The following NR3C1 variants were observed in gnomAD, a reference collection of about 807,000 sequenced individuals.
The protein encoded by NR3C1 is nuclear receptor subfamily 3 group C member 1.
In NR3C1, 14 loss-of-function variants were observed where a neutral mutation model predicts 74.0. The observed-to-expected ratio is 0.19, with a 90% CI of 0.12 to 0.30. The LOEUF (loss-of-function observed/expected upper bound fraction) is 0.30. Among genes scored for constraint, NR3C1 ranks in the 10% least tolerant of loss-of-function variants. The pLI, the probability that NR3C1 is intolerant of heterozygous loss-of-function variation, is 1.00. For missense variants in NR3C1, 695 were observed against 909.8 expected (o/e 0.76, Z 3.04); for synonymous variants, 308 against 332.5 (o/e 0.93, Z 0.80).
At chr5:143,284,235 C>T (rs1813779916) in intron 7 of NR3C1, among the ~76,000 whole-genome samples, 1 of 152,112 alleles carries the variant, frequency 6.6e-6, no homozygotes, top group Non-Finnish European at 1.5e-5. Context: ...CAGTAAGTCA[C>T]CATGCCCAGC....
intron 2 of NR3C1, among the ~76,000 whole-genome samples, chr5:143,388,505 A>C (rs1179049035): frequency 6.6e-6 from 1 of 152,224 alleles, no homozygotes; most frequent in African/African-American, 2.4e-5. Context: ...GGAGTAAGCA[A>C]GGCAGACAGT....
upstream of NR3C1, chr5:143,404,212 CGCCGG>C: frequency 2.0e-6 from 2 of 985,398 alleles, no homozygotes; most frequent in Non-Finnish European, 2.4e-6. Context: ...GCGCCGCCGC[CGCCGG>C]GCCGAGTTGC....
At chr5:143,386,842 T>C (rs539770168) in intron 2 of NR3C1, among the ~76,000 whole-genome samples, 1 of 152,346 alleles carries the variant, frequency 6.6e-6, no homozygotes, top group East Asian at 1.9e-4. Context: ...AGACTGTGTA[T>C]AACCCAAATC....
chr5:143,358,071 T>C (rs1218295326), intron 2 of NR3C1, among the ~76,000 whole-genome samples: 1 of 152,260 alleles, frequency 6.6e-6, no homozygotes, highest in African/African-American at 2.4e-5. Context: ...TAAGTTATTG[T>C]GTACTACTGA....
intron 1 of NR3C1, among the ~76,000 whole-genome samples, chr5:143,429,520 G>T (rs149518344): frequency 1.3e-5 from 2 of 152,060 alleles, no homozygotes; most frequent in Non-Finnish European, 2.9e-5. Context: ...GGATTCTCCC[G>T]CTCACAAACA....
intron 1 of NR3C1, among the ~76,000 whole-genome samples, chr5:143,432,975 C>T (rs1389421030): frequency 1.3e-5 from 2 of 152,152 alleles, no homozygotes; most frequent in African/African-American, 2.4e-5. Context: ...TGATATATAA[C>T]GTCACCTAAA....
At chr5:143,390,649 G>C (rs562097398) in intron 2 of NR3C1, among the ~76,000 whole-genome samples, 10 of 152,080 alleles carry the variant, frequency 6.6e-5, no homozygotes, top group Non-Finnish European at 1.5e-4. Context: ...ACACAAATCA[G>C]AACTTAACCA....
intron 1 of NR3C1, among the ~76,000 whole-genome samples, chr5:143,422,894 A>G (rs925959704): frequency 6.6e-6 from 1 of 151,694 alleles, no homozygotes; most frequent in African/African-American, 2.4e-5. Flanking sequence ...TTTCTTGTTC[A>G]TTTTCCCTTC....
At chr5:143,382,890 G>A (rs765164645) in intron 2 of NR3C1, among the ~76,000 whole-genome samples, 12 of 152,136 alleles carry the variant, frequency 7.9e-5, no homozygotes, top group African/African-American at 1.7e-4. Flanking sequence ...TCCTTTCCTC[G>A]TATATGCAAA....
At chr5:143,304,248 T>C (rs1819103680) in intron 4 of NR3C1, among the ~76,000 whole-genome samples, 1 of 152,096 alleles carries the variant, frequency 6.6e-6, no homozygotes, top group South Asian at 2.1e-4. Context: ...CAAAAATCAG[T>C]AGCATTTCTA....
upstream of NR3C1, chr5:143,403,695 G>A (rs983809975): frequency 2.0e-6 from 2 of 985,422 alleles, no homozygotes; most frequent in African/African-American, 1.7e-5. Flanking sequence ...GCGCCACGGC[G>A]CGCACACACT....
chr5:143,316,780 C>T (rs1371735288), intron 2 of NR3C1, among the ~76,000 whole-genome samples: 1 of 152,148 alleles, frequency 6.6e-6, no homozygotes, highest in Non-Finnish European at 1.5e-5. Context: ...AATACATGTT[C>T]CTTTTTCTTT....
chr5:143,330,007 A>G (rs997128425), intron 2 of NR3C1, among the ~76,000 whole-genome samples: 2 of 152,228 alleles, frequency 1.3e-5, no homozygotes, highest in African/African-American at 4.8e-5. Context: ...TCACAATAAC[A>G]GAGTGATGTG....
intron 2 of NR3C1, among the ~76,000 whole-genome samples, chr5:143,345,211 TTA>T (rs1829045094): frequency 6.6e-6 from 1 of 152,076 alleles, no homozygotes; most frequent in Non-Finnish European, 1.5e-5. Flanking sequence ...TGAATACAAA[TTA>T]TTATTATTGT....
At chr5:143,379,241 A>C (rs1001299750) in intron 2 of NR3C1, among the ~76,000 whole-genome samples, 3 of 152,240 alleles carry the variant, frequency 2.0e-5, no homozygotes, top group African/African-American at 7.2e-5. Context: ...AAGCAGTTAC[A>C]TAAGTGCTTT....
At chr5:143,301,948 A>C (rs1241126799) in intron 4 of NR3C1, among the ~76,000 whole-genome samples, 1 of 152,082 alleles carries the variant, frequency 6.6e-6, no homozygotes, top group Non-Finnish European at 1.5e-5. Context: ...TGAGAATTGC[A>C]AAAATTTTTA....
rs78943816 is a variant in NR3C1 at position 143,374,054 on chromosome 5, C to T, written c.1184+25602G>A. Among the ~76,000 whole-genome samples the T allele has an allele frequency of 1.5e-3, 225 of 152,260 alleles. 4 individuals carry two copies. The East Asian group carries it at 0.022, about 15-fold the overall frequency. On this transcript the variant is annotated intron_variant, in intron 2 of 8. Coordinates refer to ENST00000394464, the MANE Select transcript of NR3C1 (RefSeq NM_000176.3). Reference sequence around the variant, plus strand: ...TTTTATTGATATATAAAGTATTATGCTACTACCTTCATTGTTTTTTCAGGA... The same window carrying T: ...TTTTATTGATATATAAAGTATTATGTTACTACCTTCATTGTTTTTTCAGGA...
chr5:143,395,667 T>C (rs1189373073), intron 2 of NR3C1, among the ~76,000 whole-genome samples: 3 of 151,840 alleles, frequency 2.0e-5, no homozygotes, highest in Non-Finnish European at 3.0e-5. Context: ...GGAATAATCA[T>C]TAAAGTAAAA....
At chr5:143,295,279 AT>A in intron 7 of NR3C1, 180 bp downstream of exon 7, 1 of 985,330 alleles carries the variant, frequency 1.0e-6, no homozygotes, top group Non-Finnish European at 1.2e-6. Flanking sequence ...TATTTGTCTT[AT>A]TAATCTTGGT....
Sources: allele counts gnomAD v4.1 joint callset (sites outside exome capture counted in the v4.1 genomes callset), GRCh38; gene constraint gnomAD v4.1.1; transcripts MANE v1.5; gene names NCBI Gene and HGNC (gene_info 2026-07-23, HGNC 2026-07-21).